GNAI1: variants seen among roughly 807,000 people sequenced by gnomAD.
GNAI1 encodes the protein guanine nucleotide-binding protein G(i) subunit alpha-1.
In GNAI1, 11 loss-of-function variants were observed where a neutral mutation model predicts 38.9. The ratio of observed to expected loss-of-function variants is 0.28; its 90% CI spans 0.18 to 0.47. The LOEUF is 0.47. GNAI1 is among the 20% of genes least tolerant of loss of function. The pLI, the probability that GNAI1 is intolerant of heterozygous loss-of-function variation, is 0.99. For missense variants in GNAI1, 317 were observed against 436.9 expected, an observed-to-expected ratio of 0.73 and a Z score of 2.45; for synonymous variants, 166 against 145.1, an observed-to-expected ratio of 1.14 and a Z score of -1.04.
chr7:80,160,268 A>G (rs868565883), intron 1 of GNAI1, among the ~76,000 whole-genome samples: 1 of 151,832 alleles, frequency 6.6e-6, no homozygotes, highest in East Asian at 1.9e-4. Context: ...AAAACATTCC[A>G]TGGAGCCCAG....
At chr7:80,158,062 G>A (rs1787850454) in intron 1 of GNAI1, among the ~76,000 whole-genome samples, 1 of 152,044 alleles carries the variant, frequency 6.6e-6, no homozygotes, top group African/African-American at 2.4e-5. Flanking sequence ...CTTTGGTGAG[G>A]TGTCAAAGTT....
intron 1 of GNAI1, among the ~76,000 whole-genome samples, chr7:80,183,434 A>T (rs1022659727): frequency 6.6e-6 from 1 of 152,156 alleles, no homozygotes; most frequent in African/African-American, 2.4e-5. Flanking sequence ...TTAACATTTT[A>T]AATCAGTAAA....
At position 80,203,634 on chromosome 7, in the gene GNAI1, A is replaced by G. The variant is rs114856723; in HGVS notation, c.462-70A>G. The stretch of plus-strand genomic sequence containing the variant: ...ATCGCTTGTATTGAAATGTGTTTTA[A>G]TTTTTGTTTTGGATGATCTTTATTG... On this transcript the variant is annotated intron_variant, in intron 4 of 7. Coordinates refer to ENST00000649796, the MANE Select transcript of GNAI1 (RefSeq NM_002069.6). 8.1e-4 allele frequency: 774 copies of G among 958,532 alleles called. 7 individuals are homozygous for G. In the African/African-American group the frequency reaches 0.012, roughly 15 times the overall value. 59.4% of individuals were successfully genotyped at this position (958,532 alleles called of 1,614,324 possible).
Position 80,206,652 on chromosome 7 carries a change from C to T in GNAI1, c.590+2820C>T, listed in dbSNP as rs569397958. 2.6e-5 allele frequency among the ~76,000 whole-genome samples: 4 copies of T among 151,908 alleles called. No individual in the cohort carries two copies. In the South Asian group the frequency reaches 8.3e-4, roughly 32 times the overall value. On this transcript the variant is annotated intron_variant, in intron 5 of 7. Transcript: ENST00000649796. ...TTCACCTTGTTTTAAAGATTATGTTCTAAAGCAAACTTAAATTATGTTCAG... is the reference window on the plus strand; with the variant it reads ...TTCACCTTGTTTTAAAGATTATGTTTTAAAGCAAACTTAAATTATGTTCAG...
At chr7:80,156,149 G>A (rs1787815369) in intron 1 of GNAI1, among the ~76,000 whole-genome samples, 1 of 152,004 alleles carries the variant, frequency 6.6e-6, no homozygotes, top group Non-Finnish European at 1.5e-5. Context: ...TGTTGGTGCA[G>A]GCATTAGTTT....
chr7:80,136,977 T>G (rs893660357), intron 1 of GNAI1, among the ~76,000 whole-genome samples: 14 of 152,176 alleles, frequency 9.2e-5, no homozygotes, highest in Non-Finnish European at 1.6e-4. Flanking sequence ...TGGGTAATTC[T>G]TTGTTCTCCA....
intron 5 of GNAI1, among the ~76,000 whole-genome samples, chr7:80,209,311 A>G (rs1748473084): frequency 6.6e-6 from 1 of 152,214 alleles, no homozygotes; most frequent in South Asian, 2.1e-4. Context: ...TATGAAGGCT[A>G]ACAAGTCCGA....
At chr7:80,183,341 C>T (rs1247538168) in intron 1 of GNAI1, among the ~76,000 whole-genome samples, 1 of 152,082 alleles carries the variant, frequency 6.6e-6, no homozygotes, top group Non-Finnish European at 1.5e-5. Context: ...ATTAATCTTA[C>T]AGTAGCATTA....
intron 1 of GNAI1, among the ~76,000 whole-genome samples, chr7:80,153,915 T>A (rs927177603): frequency 7.2e-5 from 11 of 152,178 alleles, no homozygotes; most frequent in Admixed American, 1.3e-4. Context: ...GATTATTTTT[T>A]AAATTAATTA....
At chr7:80,213,939 T>C (rs1328586859) in intron 7 of GNAI1, among the ~76,000 whole-genome samples, 2 of 152,126 alleles carry the variant, frequency 1.3e-5, no homozygotes, top group African/African-American at 4.8e-5. Flanking sequence ...TTCACTGCCA[T>C]TTTACAGGAA....
At position 80,188,939 on chromosome 7, in the gene GNAI1, T is replaced by C. The variant is rs779632553; in HGVS notation, c.119-12T>C. The C allele has an allele frequency of 1.9e-6, 3 of 1,585,830 alleles. No homozygotes were observed. The South Asian group carries it at 3.3e-5, about 18-fold the overall frequency. The stretch of plus-strand genomic sequence containing the variant: ...GATGAAATTAGAAACCTTTTATGTT[T>C]TATATTTTTAGGTGCTGGTGAATCT... On this transcript the variant is annotated splice_polypyrimidine_tract_variant and intron_variant, in intron 1 of 7. Coordinates refer to ENST00000649796, the MANE Select transcript of GNAI1 (RefSeq NM_002069.6).
intron 5 of GNAI1, among the ~76,000 whole-genome samples, chr7:80,206,245 C>A (rs1788774996): frequency 6.6e-6 from 1 of 151,992 alleles, no homozygotes; most frequent in Admixed American, 6.6e-5. Flanking sequence ...CATTGACCTG[C>A]TTTCTTAAAC....
At chr7:80,135,917 T>G (rs1283985013) in intron 1 of GNAI1, 2 of 985,290 alleles carry the variant, frequency 2.0e-6, no homozygotes, top group African/African-American at 1.7e-5. Flanking sequence ...TGTGGGGGCA[T>G]GGAAGCCACC....
chr7:80,135,192 C>A lies in GNAI1; in HGVS notation c.32C>A (p.Ala11Glu), dbSNP rs1340678679. The change falls in exon 1 of 8, where the codon GCG becomes GAG. Residue 11 changes from alanine to glutamate, a missense_variant. Around this residue, in one of 5 missense-constraint regions of GNAI1, gnomAD observed 37 missense variants for 26.2 expected, o/e 1.41. Coordinates refer to ENST00000649796, the MANE Select transcript of GNAI1 (RefSeq NM_002069.6). The part of the protein sequence containing the change: MGCTLSAEDK[A>E]AVERSKMIDR... Reference sequence around the variant, plus strand: ...TGCACGCTGAGCGCCGAGGACAAGGCGGCGGTGGAGCGGAGTAAGATGATC... The same window carrying A: ...TGCACGCTGAGCGCCGAGGACAAGGAGGCGGTGGAGCGGAGTAAGATGATC... 7 of 1,552,250 alleles carry A rather than the reference C, an allele frequency of 4.5e-6. No homozygotes were observed. Among genetic ancestry groups the A allele is most frequent in the Non-Finnish European group, 6.1e-6 (7 of 1,150,164 alleles).
At chr7:80,196,103 C>T (rs1361024360) in intron 3 of GNAI1, among the ~76,000 whole-genome samples, 2 of 151,924 alleles carry the variant, frequency 1.3e-5, no homozygotes, top group African/African-American at 2.4e-5. Flanking sequence ...CCCTGACCAC[C>T]GCTTGGAATG....
intron 1 of GNAI1, among the ~76,000 whole-genome samples, chr7:80,169,942 T>C (rs1446021758): frequency 5.3e-5 from 8 of 152,200 alleles, no homozygotes; most frequent in African/African-American, 1.9e-4. Context: ...GATCTTTGGA[T>C]TCTTTCACTG....
chr7:80,136,067 T>C (rs915671935), intron 1 of GNAI1: 1 of 983,932 alleles, frequency 1.0e-6, no homozygotes, highest in African/African-American at 1.7e-5. Context: ...GAATGAGATT[T>C]GCCAGGTACA....
rs530727054 is a variant in GNAI1 at position 80,157,967 on chromosome 7, C to T, written c.118+22689C>T. On this transcript the variant is annotated intron_variant, in intron 1 of 7. Coordinates refer to ENST00000649796, the MANE Select transcript of GNAI1 (RefSeq NM_002069.6). ...CAAGTGATTCATCCACTTTGGCCTC[C>T]CAAAGTGCTGGGATTACAGGCATAA... Among the ~76,000 whole-genome samples the T allele has an allele frequency of 3.1e-4, 47 of 152,236 alleles. 1 individual carries two copies. The East Asian group carries it at 8.9e-3, about 29-fold the overall frequency.
chr7:80,149,218 CTA>C (rs201607869), intron 1 of GNAI1, among the ~76,000 whole-genome samples: 1 of 150,834 alleles, frequency 6.6e-6, no homozygotes, highest in African/African-American at 2.5e-5. Flanking sequence ...ACTTTAGTGG[CTA>C]TATATGTTTT....
Sources: gnomAD v4.1 joint callset for allele counts (sites outside exome capture counted in the v4.1 genomes callset) on GRCh38, gnomAD v4.1.1 for gene constraint, gnomAD v4.1.1 regional missense constraint, MANE v1.5 for transcripts, NCBI Gene and HGNC (gene_info 2026-07-23, HGNC 2026-07-21) for gene names.